EOMES: variants seen among roughly 807,000 people sequenced by gnomAD.
The protein encoded by EOMES is eomesodermin homolog.
A neutral mutation model predicts 61.0 loss-of-function variants in EOMES; 18 were observed. That is an observed-to-expected ratio of 0.30 (90% CI 0.20 to 0.44). The LOEUF is 0.44. EOMES is among the 20% of genes least tolerant of loss of function. The probability of loss-of-function intolerance (pLI) is 1.00; values close to 1 mark genes in which losing one functional copy is unlikely to be tolerated. For missense variants in EOMES, 885 were observed against 939.2 expected, an observed-to-expected ratio of 0.94 and a Z score of 0.75; for synonymous variants, 430 against 394.0, an observed-to-expected ratio of 1.09 and a Z score of -1.08.
intron 3 of EOMES, 100 bp from the exon 4 acceptor site, chr3:27,718,993 T>C: frequency 1.2e-6 from 1 of 853,434 alleles, no homozygotes; most frequent in Admixed American, 2.8e-5. Flanking sequence ...ATTGGACTTC[T>C]AAATGCTCCT....
chr3:27,722,561 C>A, upstream of EOMES: 1 of 1,275,098 alleles, frequency 7.8e-7, no homozygotes. Context: ...TTTCCTTCCT[C>A]GTACCTCTTG....
Position 27,720,276 on chromosome 3 carries a change from C to A in EOMES, c.931G>T (p.Ala311Ser). The A allele has an allele frequency of 6.2e-7, 1 of 1,613,454 alleles. No homozygotes were observed. Among genetic ancestry groups the A allele is most frequent in the Non-Finnish European group, 8.5e-7 (1 of 1,179,506 alleles). ...ACCTCTACGAACACATTGTAGTGGG[C>A]AGTGGGATTGAGTCCGTTTATGTTG... ...SFNINGLNPT[A>S]HYNVFVEVVL... The change falls in exon 2 of 6, where the codon GCC becomes TCC. Residue 311 changes from alanine to serine, a missense_variant. Ala to Ser is a moderately conservative substitution (Grantham distance 99). Around this residue, in one of 3 missense-constraint regions of EOMES, gnomAD observed 177 missense variants for 273.3 expected, o/e 0.65. Transcript: ENST00000449599.
chr3:27,717,915 A>C lies in EOMES; in HGVS notation c.1380-107T>G, dbSNP rs1243243247. The C allele has an allele frequency of 2.5e-6, 2 of 795,284 alleles. No individual in the cohort carries two copies. Among genetic ancestry groups the C allele is most frequent in the African/African-American group, 1.7e-5 (1 of 57,754 alleles). The allele number at this position is 795,284 out of a possible 1,614,324, so 49.3% of individuals were successfully genotyped here. A position where few individuals can be genotyped will look rare whatever the true frequency, so the allele number is the denominator to read the frequency against. On this transcript the variant is annotated intron_variant, in intron 5 of 5. Coordinates refer to ENST00000449599, the MANE Select transcript of EOMES (RefSeq NM_001278182.2). This position sits in a 1 kb window ranked among gnomAD's most constrained non-coding sequence, Gnocchi z 4.5. ...AGGCTTGTGTTGGTTATCTACACCG[A>C]AAGTGCTGGTCTGTTGGGCTGAAAG...
rs921087782 is a variant in EOMES at position 27,717,301 on chromosome 3, C to T, written c.1887G>A (p.Val629=). 9 of 1,614,050 alleles carry T rather than the reference C, an allele frequency of 5.6e-6. No homozygotes were observed. The highest frequency in any genetic ancestry group is 6.8e-6 in the Non-Finnish European group (8 of 1,180,022). ...TCCAAGAAGAGCCAATTTCCTCTTT[C>T]ACTTTCTCCTTGGAGAGCTGATCTT... ...FSEDQLSKEK[V]KEEIGSSWIE... The change falls in exon 6 of 6, where the codon GTG becomes GTA. Residue 629 remains valine, a synonymous_variant. Coordinates refer to ENST00000449599, the MANE Select transcript of EOMES (RefSeq NM_001278182.2). The surrounding 1 kb of genome is among the most constrained non-coding windows in gnomAD (Gnocchi z 4.5).
chr3:27,722,192 G>A lies in EOMES; in HGVS notation c.103C>T (p.His35Tyr), dbSNP rs1271982927. 1 of 1,599,544 alleles carries A rather than the reference G, an allele frequency of 6.3e-7. No individual in the cohort carries two copies. The highest frequency in any genetic ancestry group is 8.5e-7 in the Non-Finnish European group (1 of 1,174,594). The change falls in exon 1 of 6, where the codon CAC (histidine) becomes TAC (tyrosine). Residue 35 changes from histidine (H) to tyrosine (Y), a missense_variant. By Grantham distance (83) the His-to-Tyr change is moderately conservative. This residue lies in a region of EOMES where 449 missense variants were observed against 383.6 expected (regional missense o/e 1.17). Coordinates refer to ENST00000449599, the MANE Select transcript of EOMES (RefSeq NM_001278182.2). ...GGAGAGGGGGCCGCGCTGGGGAGGT[G>A]GCCAGCGCTCCCGCCGCTGCCGCCT... Reference protein sequence around the residue: ...ARGGSGGSAGHLPSAAPSPQK... With the variant: ...ARGGSGGSAGYLPSAAPSPQK...
Position 27,717,844 on chromosome 3 carries a change from A to G in EOMES, c.1380-36T>C. On this transcript the variant is annotated intron_variant, in intron 5 of 5. Transcript: ENST00000449599. This position sits in a 1 kb window ranked among gnomAD's most constrained non-coding sequence, Gnocchi z 4.5. ...AAGAGAAACACTTAAAAAAAAAAAAAAACCCTAATGTTGTCCCCAAACAAA... is the reference window on the plus strand; with the variant it reads ...AAGAGAAACACTTAAAAAAAAAAAAGAACCCTAATGTTGTCCCCAAACAAA... The G allele has an allele frequency of 6.9e-7, 1 of 1,445,496 alleles. No homozygotes were observed. Among genetic ancestry groups the G allele is most frequent in the South Asian group, 1.4e-5 (1 of 70,506 alleles). The allele number at this position is 1,445,496 out of a possible 1,614,324, so 89.5% of individuals were successfully genotyped here.
At chr3:27,722,706 T>C, upstream of EOMES, 1 of 1,002,602 alleles carries the variant, frequency 1.0e-6, no homozygotes, top group Non-Finnish European at 1.2e-6. Flanking sequence ...AGTTGACCAC[T>C]TGGAAACTTA....
At chr3:27,719,515 G>A (rs373488941) in intron 2 of EOMES, 34 bp from the exon 3 acceptor site, 2 of 1,600,588 alleles carry the variant, frequency 1.2e-6, no homozygotes, top group African/African-American at 1.3e-5. Flanking sequence ...CAAAACCCAA[G>A]CATATAGGGC....
chr3:27,720,647 CT>C (rs1003681652), intron 1 of EOMES, among the ~76,000 whole-genome samples: 1 of 149,154 alleles, frequency 6.7e-6, no homozygotes, highest in Non-Finnish European at 1.5e-5. Flanking sequence ...TTCAGACGCT[CT>C]TAAAATTTTT....
Position 27,718,587 on chromosome 3 carries a change from G to A in EOMES, c.1379C>T (p.Ser460Phe), listed in dbSNP as rs771819862. 3 of 1,606,254 alleles carry A rather than the reference G, an allele frequency of 1.9e-6. No homozygotes were observed. The highest frequency in any genetic ancestry group is 1.7e-6 in the Non-Finnish European group (2 of 1,173,568). Residue 460 changes from serine to phenylalanine, a missense_variant and splice_region_variant, in exon 5 of 6, where the codon TCC becomes TTC. Physicochemically the swap from Ser to Phe is radical, Grantham distance 155 (BLOSUM62 -2). Coordinates refer to ENST00000449599, the MANE Select transcript of EOMES (RefSeq NM_001278182.2). ...FAKGFRDNYDSMYTASENDRL... is the reference protein window; with the variant it reads ...FAKGFRDNYDFMYTASENDRL... ...AAGTGTGGATAAAAGCTGCACTTAC[G>A]AATCATAGTTGTCTCTGAAGCCTTT... is the stretch of plus-strand genomic sequence containing the variant.
At position 27,722,031 on chromosome 3, in the gene EOMES, T is replaced by A; in HGVS notation, c.264A>T (p.Ala88=). The A allele has an allele frequency of 2.6e-6, 4 of 1,528,516 alleles. No individual in the cohort carries two copies. Among genetic ancestry groups the A allele is most frequent in the Non-Finnish European group, 3.5e-6 (4 of 1,138,514 alleles). 94.7% of individuals were successfully genotyped at this position (1,528,516 alleles called of 1,614,324 possible). Reference sequence around the variant, plus strand: ...TGGCCACTGCCGCAGCGCTGGCAAATGCGTCCCCGGCGTCGGTGTCACTAA... The same window carrying A: ...TGGCCACTGCCGCAGCGCTGGCAAAAGCGTCCCCGGCGTCGGTGTCACTAA... ...AMLSDTDAGD[A]FASAAAVAKP... Residue 88 remains alanine, a synonymous_variant, in exon 1 of 6, where the codon GCA becomes GCT. Transcript: ENST00000449599.
intron 3 of EOMES, among the ~76,000 whole-genome samples, chr3:27,719,129 T>C (rs2060591559): frequency 6.6e-6 from 1 of 151,816 alleles, no homozygotes; most frequent in African/African-American, 2.4e-5. Context: ...GTTTCCTAAA[T>C]TCCCAAAATA....
intron 3 of EOMES, 39 bp from the exon 4 acceptor site, chr3:27,718,932 GC>G: frequency 1.4e-6 from 2 of 1,480,500 alleles, no homozygotes; most frequent in African/African-American, 1.4e-5. Context: ...AATCTAAAAA[GC>G]CTCTTAGTGG....
Position 27,716,311 on chromosome 3 carries a change from T to C in EOMES, c.*759A>G, listed in dbSNP as rs1361380714. ...CCCAGACACCTATGTAGACTATTTG[T>C]ACAATATATACCACATTATTCTATA... On this transcript the variant is annotated 3_prime_UTR_variant, in exon 6 of 6. Transcript: ENST00000449599. The C allele has an allele frequency of 6.6e-6, 1 of 151,914 alleles. No individual in the cohort carries two copies. The highest frequency in any genetic ancestry group is 1.5e-5 in the Non-Finnish European group (1 of 68,036). The allele number at this position is 151,914 out of a possible 1,614,324, so 9.4% of individuals were successfully genotyped here.
At position 27,721,685 on chromosome 3, in the gene EOMES, C is replaced by T; in HGVS notation, c.610G>A (p.Gly204Arg). 6.6e-7 allele frequency: 1 copy of T among 1,518,480 alleles called. No homozygotes were observed. Among genetic ancestry groups the T allele is most frequent in the South Asian group, 1.2e-5 (1 of 80,884 alleles). 94.1% of individuals were successfully genotyped at this position (1,518,480 alleles called of 1,614,324 possible). The change falls in exon 1 of 6, where the codon GGG becomes AGG. Residue 204 changes from glycine to arginine, a missense_variant. Physicochemically the swap from Gly to Arg is moderately radical, Grantham distance 125 (BLOSUM62 -2). Coordinates refer to ENST00000449599, the MANE Select transcript of EOMES (RefSeq NM_001278182.2). The surrounding 1 kb of genome is among the most constrained non-coding windows in gnomAD (Gnocchi z 7.4). The stretch of plus-strand genomic sequence containing the variant: ...GCTCCTGGGCCGAACTGCGCCCTCC[C>T]GGGTGGGCACACAGCCGCGGGGAAG... ...GGFPAAVCPPGRAQFGPGAGA... is the reference protein window; with the variant it reads ...GGFPAAVCPPRRAQFGPGAGA...
In EOMES at chr3:27,716,441, C is replaced by G. The variant is rs1251411918; in HGVS notation, c.*629G>C. On this transcript the variant is annotated 3_prime_UTR_variant, in exon 6 of 6. Coordinates refer to ENST00000449599, the MANE Select transcript of EOMES (RefSeq NM_001278182.2). ...CTCTCCTGAGTCCCACTGGCCACCC[C>G]AGCACACAGCAGAGGCCTAGCAAGT... 1 of 151,242 alleles carries G rather than the reference C, an allele frequency of 6.6e-6. No individual in the cohort carries two copies. The highest frequency in any genetic ancestry group is 1.5e-5 in the Non-Finnish European group (1 of 68,088). The allele number at this position is 151,242 out of a possible 1,614,324, so 9.4% of individuals were successfully genotyped here.
In EOMES at chr3:27,716,880, G is replaced by C; in HGVS notation, c.*190C>G. 1.8e-6 allele frequency: 1 copy of C among 558,758 alleles called. No individual in the cohort carries two copies. The highest frequency in any genetic ancestry group is 2.8e-5 in the East Asian group (1 of 35,200). The allele number at this position is 558,758 out of a possible 1,614,324, so 34.6% of individuals were successfully genotyped here. On this transcript the variant is annotated 3_prime_UTR_variant, in exon 6 of 6. Transcript: ENST00000449599. ...TCCATTAATCTTATTTTTTAAAAATGCTAGGTTTGTTTCAGTTACCTGCAG... is the reference window on the plus strand; with the variant it reads ...TCCATTAATCTTATTTTTTAAAAATCCTAGGTTTGTTTCAGTTACCTGCAG...
At position 27,717,189 on chromosome 3, in the gene EOMES, T is replaced by G; in HGVS notation, c.1999A>C (p.Ser667Arg). The change falls in exon 6 of 6, where the codon AGC (serine) becomes CGC (arginine). Residue 667 changes from serine to arginine, a missense_variant. Coordinates refer to ENST00000449599, the MANE Select transcript of EOMES (RefSeq NM_001278182.2). The surrounding 1 kb of genome is among the most constrained non-coding windows in gnomAD (Gnocchi z 4.5). Reference protein sequence around the residue: ...SACKRRRLSPSNSSNENSPSI... With the variant: ...SACKRRRLSPRNSSNENSPSI... ...GGTGAATTTTCATTACTGGAGTTGC[T>G]AGGAGACAGCCGCCTTCGCTTACAA... 1 of 1,614,104 alleles carries G rather than the reference T, an allele frequency of 6.2e-7. No individual in the cohort carries two copies. Among genetic ancestry groups the G allele is most frequent in the East Asian group, 2.2e-5 (1 of 44,882 alleles).
At chr3:27,722,672 T>G, upstream of EOMES, 1 of 1,025,234 alleles carries the variant, frequency 9.8e-7, no homozygotes, top group South Asian at 4.5e-5. Flanking sequence ...TTCTGCCCTT[T>G]TTCAATTGCC....
Sources: allele counts gnomAD v4.1 joint callset (sites outside exome capture counted in the v4.1 genomes callset), GRCh38; gene constraint gnomAD v4.1.1; regional missense constraint gnomAD v4.1.1; non-coding constraint Gnocchi (gnomAD v3.1); transcripts MANE v1.5; gene names NCBI Gene and HGNC (gene_info 2026-07-23, HGNC 2026-07-21).